HEATR3: variants seen among roughly 807,000 people sequenced by gnomAD.
The protein encoded by HEATR3 is HEAT repeat containing 3.
Under a neutral mutation model 72.8 loss-of-function variants are expected in HEATR3, and 56 were observed. The ratio of observed to expected loss-of-function variants is 0.77; its 90% confidence interval spans 0.62 to 0.96. HEATR3 has a LOEUF of 0.96. HEATR3 is among the 40% of genes least tolerant of loss of function. The pLI is 0.00. For missense variants in HEATR3, 747 were observed against 831.4 expected (o/e 0.90, Z 1.25); for synonymous variants, 331 against 318.1 (o/e 1.04, Z -0.43).
chr16:50,103,175 G>A (rs1054358837), intron 14 of HEATR3, among the ~76,000 whole-genome samples: 1 of 152,180 alleles, frequency 6.6e-6, no homozygotes, highest in Non-Finnish European at 1.5e-5. Context: ...TATATTAATA[G>A]TTAGAGTCAT....
intron 9 of HEATR3, 60 bp downstream of exon 9, chr16:50,084,351 C>T: frequency 1.3e-6 from 2 of 1,551,094 alleles, no homozygotes; most frequent in Non-Finnish European, 1.7e-6. Context: ...GCAAGGTATT[C>T]ATTTTGTGTA....
chr16:50,089,311 G>A (rs989396384), intron 11 of HEATR3, among the ~76,000 whole-genome samples: 1 of 151,864 alleles, frequency 6.6e-6, no homozygotes, highest in African/African-American at 2.4e-5. Context: ...TGTAGAAATC[G>A]CCTACCACAC....
intron 13 of HEATR3, among the ~76,000 whole-genome samples, chr16:50,101,813 C>T (rs1477129): frequency 0.88 from 133,515 of 152,230 alleles, 58,591 homozygotes; most frequent in South Asian, 0.94. Context: ...CTCCTGGGCT[C>T]GAGCGACCCT....
At chr16:50,074,893 A>G (rs1597142893) in intron 5 of HEATR3, 1 of 152,044 alleles carries the variant, frequency 6.6e-6, no homozygotes, top group South Asian at 2.1e-4. Flanking sequence ...GAGGCAGGAG[A>G]ATGGTGTGAA....
chr16:50,079,118 C>G, intron 7 of HEATR3, 100 bp downstream of exon 7: 2 of 1,186,632 alleles, frequency 1.7e-6, no homozygotes, highest in Non-Finnish European at 2.3e-6. Flanking sequence ...GCAAAATTAG[C>G]TATAAAGTGC....
At chr16:50,084,458 C>A in intron 9 of HEATR3, 111 bp from the exon 10 acceptor site, 1 of 1,122,194 alleles carries the variant, frequency 8.9e-7, no homozygotes, top group Non-Finnish European at 1.3e-6. Flanking sequence ...AAAGGTCATT[C>A]TATATGAAGC....
chr16:50,090,676 T>C (rs1444536460), intron 11 of HEATR3, among the ~76,000 whole-genome samples: 1 of 152,222 alleles, frequency 6.6e-6, no homozygotes, highest in East Asian at 1.9e-4. Flanking sequence ...TTAGCAATGT[T>C]GTATTTCATA....
intron 6 of HEATR3, among the ~76,000 whole-genome samples, chr16:50,076,445 C>T (rs536036175): frequency 6.6e-6 from 1 of 152,286 alleles, no homozygotes; most frequent in Non-Finnish European, 1.5e-5. Flanking sequence ...ACCTTGACCT[C>T]CTAAAGTGCT....
At chr16:50,068,977 A>G in intron 3 of HEATR3, 110 bp downstream of exon 3, 1 of 716,246 alleles carries the variant, frequency 1.4e-6, no homozygotes, top group Non-Finnish European at 2.4e-6. Context: ...TCTTATGGAA[A>G]TTTCATTCCT....
intron 12 of HEATR3, among the ~76,000 whole-genome samples, chr16:50,097,785 C>T (rs916386161): frequency 6.6e-6 from 1 of 151,888 alleles, no homozygotes; most frequent in Non-Finnish European, 1.5e-5. Flanking sequence ...TGTGGTGGCA[C>T]GCGCCTGTAA....
At position 50,086,232 on chromosome 16, in the gene HEATR3, G is replaced by T; in HGVS notation, c.1391G>T (p.Cys464Phe). Residue 464 changes from cysteine to phenylalanine, a missense_variant, in exon 11 of 15, where the codon TGC (cysteine) becomes TTC (phenylalanine). Physicochemically the swap from Cys to Phe is radical, Grantham distance 205. Transcript: ENST00000299192. The part of the protein sequence containing the change: ...PLIRKMNTIQ[C>F]RALFCLQSLV... ...CTTTCCAGAATGAACACTATTCAGT[G>T]CAGAGCCCTCTTCTGTCTCCAGAGT... 1 of 1,579,188 alleles carries T rather than the reference G, an allele frequency of 6.3e-7. No individual in the cohort carries two copies. The highest frequency in any genetic ancestry group is 8.6e-7 in the Non-Finnish European group (1 of 1,160,950).
chr16:50,078,957 T>C lies in HEATR3; in HGVS notation c.980T>C (p.Met327Thr). 6.2e-7 allele frequency: 1 copy of C among 1,613,944 alleles called. No homozygotes were observed. Among genetic ancestry groups the C allele is most frequent in the Non-Finnish European group, 8.5e-7 (1 of 1,179,970 alleles). Reference protein sequence around the residue: ...NGDDLIEDDEMEGISHKRRVR... With the variant: ...NGDDLIEDDETEGISHKRRVR... Reference sequence around the variant, plus strand: ...GATGATTTGATTGAAGATGATGAAATGGAAGGAATTTCTCATAAAAGAAGA... The same window carrying C: ...GATGATTTGATTGAAGATGATGAAACGGAAGGAATTTCTCATAAAAGAAGA... Residue 327 changes from methionine to threonine, a missense_variant, in exon 7 of 15, where the codon ATG (methionine) becomes ACG (threonine). Coordinates refer to ENST00000299192, the MANE Select transcript of HEATR3 (RefSeq NM_182922.4).
At chr16:50,104,010 C>T (rs2037424994) in intron 14 of HEATR3, among the ~76,000 whole-genome samples, 2 of 151,838 alleles carry the variant, frequency 1.3e-5, no homozygotes, top group South Asian at 4.2e-4. Context: ...CCAGCCTAGG[C>T]GATGAAGCAA....
intron 4 of HEATR3, among the ~76,000 whole-genome samples, chr16:50,071,133 C>T (rs1001970637): frequency 9.9e-5 from 15 of 152,136 alleles, no homozygotes; most frequent in African/African-American, 1.4e-4. Flanking sequence ...GTGGACTTGC[C>T]GCTAGGAATG....
intron 12 of HEATR3, among the ~76,000 whole-genome samples, chr16:50,096,986 G>A (rs1055044291): frequency 6.6e-6 from 1 of 152,082 alleles, no homozygotes; most frequent in South Asian, 2.1e-4. Flanking sequence ...TGATGGCATC[G>A]TTCAGCATTC....
chr16:50,072,773 A>G lies in HEATR3; in HGVS notation c.622+59A>G. On this transcript the variant is annotated intron_variant, in intron 5 of 14. Transcript: ENST00000299192. ...TGTGTAGCCTTATTCAAAAATTTTT[A>G]TGCAGCTTTGGCGTGTTTATTCCAC... The G allele has an allele frequency of 3.8e-6, 4 of 1,058,918 alleles. No homozygotes were observed. The South Asian group carries it at 5.1e-5, about 13-fold the overall frequency. 65.6% of individuals were successfully genotyped at this position (1,058,918 alleles called of 1,614,324 possible).
In HEATR3 at chr16:50,085,314, T is replaced by A. The variant is rs193241690; in HGVS notation, c.1373+663T>A. Among the ~76,000 whole-genome samples, 533 of 152,288 alleles carry A rather than the reference T, an allele frequency of 3.5e-3. 2 individuals carry two copies. Among genetic ancestry groups the A allele is most frequent in the African/African-American group, 0.012 (498 of 41,556 alleles). On this transcript the variant is annotated intron_variant, in intron 10 of 14. Coordinates refer to ENST00000299192, the MANE Select transcript of HEATR3 (RefSeq NM_182922.4). ...TATGTTGTGTACTTAACTGTATATA[T>A]GTCACATTTCACAATTAAAAATAAT...
At chr16:50,086,166 A>G (rs1323961452) in intron 10 of HEATR3, 49 bp from the exon 11 acceptor site, 1 of 1,522,316 alleles carries the variant, frequency 6.6e-7, no homozygotes, top group Admixed American at 2.1e-5. Context: ...CTGAATTCTG[A>G]TGGGCAACTT....
intron 14 of HEATR3, among the ~76,000 whole-genome samples, chr16:50,103,518 CCTT>C (rs2037413174): frequency 6.6e-6 from 1 of 152,204 alleles, no homozygotes; most frequent in Non-Finnish European, 1.5e-5. Flanking sequence ...AAAGTGCCCT[CCTT>C]GTATCAGCAG....
Sources: gnomAD v4.1 joint callset for allele counts (sites outside exome capture counted in the v4.1 genomes callset) on GRCh38, gnomAD v4.1.1 for gene constraint, MANE v1.5 for transcripts, NCBI Gene and HGNC (gene_info 2026-07-23, HGNC 2026-07-21) for gene names.